ADAM18: variants seen among roughly 807,000 people sequenced by gnomAD.
ADAM18 encodes ADAM metallopeptidase domain 18.
ADAM18 carries 117 observed loss-of-function variants against 94.4 expected under a neutral mutation model. The ratio of observed to expected loss-of-function variants is 1.24; its 90% CI spans 1.07 to 1.45. The LOEUF (loss-of-function observed/expected upper bound fraction) is 1.45. Ranked by LOEUF, ADAM18 falls within the 40% of genes most tolerant of loss-of-function variation. ADAM18 has a pLI of 0.00. For missense variants in ADAM18, 936 were observed against 880.0 expected, an observed-to-expected ratio of 1.06 and a Z score of -0.81; for synonymous variants, 327 against 291.6, an observed-to-expected ratio of 1.12 and a Z score of -1.24.
At chr8:39,713,305 A>C (rs1043908935) in intron 18 of ADAM18, among the ~76,000 whole-genome samples, 1 of 152,238 alleles carries the variant, frequency 6.6e-6, no homozygotes, top group African/African-American at 2.4e-5. Context: ...TGGATTAAAT[A>C]CTTAAATGTT....
At chr8:39,667,924 T>C in intron 13 of ADAM18, 74 bp from the exon 14 acceptor site, 2 of 1,422,088 alleles carry the variant, frequency 1.4e-6, no homozygotes, top group South Asian at 1.2e-5. Flanking sequence ...ACATTTTATG[T>C]GATAAATCTT....
At chr8:39,620,159 T>C (rs1351039742) in intron 6 of ADAM18, among the ~76,000 whole-genome samples, 4 of 151,928 alleles carry the variant, frequency 2.6e-5, no homozygotes, top group African/African-American at 7.2e-5. Flanking sequence ...CTGGGAAAAC[T>C]GAATATTCAC....
intron 2 of ADAM18, among the ~76,000 whole-genome samples, chr8:39,601,101 C>T (rs764346491): frequency 1.1e-4 from 17 of 152,250 alleles, no homozygotes; most frequent in Non-Finnish European, 2.4e-4. Context: ...GGAGATGCTG[C>T]ACACTTTTAA....
intron 16 of ADAM18, among the ~76,000 whole-genome samples, chr8:39,691,944 G>A (rs1026575196): frequency 5.9e-5 from 9 of 151,764 alleles, no homozygotes; most frequent in Non-Finnish European, 8.8e-5. Flanking sequence ...TTCATGTTTA[G>A]TATTGTTATG....
chr8:39,680,157 T>TTCCA lies in ADAM18; in HGVS notation c.1755_1756insATCC (p.Ser586IlefsTer15). ...ATGTATGTGTATCTATAGCCACTGG[T>TTCCA]TCCTCCATGAGATCAGATGGAACAG... On this transcript the variant is annotated frameshift_variant, in exon 16 of 20. Transcript: ENST00000265707. LOFTEE classifies it high-confidence loss of function. 1.9e-6 allele frequency: 3 copies of TTCCA among 1,613,852 alleles called. No homozygotes were observed. Among genetic ancestry groups the TTCCA allele is most frequent in the Non-Finnish European group, 1.7e-6 (2 of 1,179,860 alleles).
At chr8:39,645,529 A>G in intron 11 of ADAM18, 55 bp downstream of exon 11, 2 of 1,515,582 alleles carry the variant, frequency 1.3e-6, no homozygotes, top group Non-Finnish European at 1.8e-6. Flanking sequence ...TGTTTCCAAA[A>G]TGTGATAATG....
At chr8:39,650,444 T>C (rs1318326719) in intron 12 of ADAM18, among the ~76,000 whole-genome samples, 1 of 152,154 alleles carries the variant, frequency 6.6e-6, no homozygotes, top group Non-Finnish European at 1.5e-5. Context: ...TTCAGTAAAG[T>C]TGCAGGATAC....
At chr8:39,615,534 C>G (rs191002930) in intron 6 of ADAM18, among the ~76,000 whole-genome samples, 68 of 152,078 alleles carry the variant, frequency 4.5e-4, no homozygotes, top group Non-Finnish European at 8.4e-4. Context: ...TGTAAAGAAC[C>G]CTTAACAAAC....
chr8:39,630,350 C>T lies in ADAM18; in HGVS notation c.588+911C>T, dbSNP rs567800500. Among the ~76,000 whole-genome samples, 30 of 151,078 alleles carry T rather than the reference C, an allele frequency of 2.0e-4. No homozygotes were observed. The South Asian group carries it at 2.9e-3, about 15-fold the overall frequency. ...GCAACCAAATAATTATGAGGCACTA[C>T]GTACATTATGTATGTGTGTATATAA... On this transcript the variant is annotated intron_variant, in intron 7 of 19. Transcript: ENST00000265707.
At chr8:39,663,598 CAAAAAAAAAAAAAA>C (rs10597769) in intron 12 of ADAM18, among the ~76,000 whole-genome samples, 183 bp from the exon 13 acceptor site, 1 of 19,592 alleles carries the variant, frequency 5.1e-5, no homozygotes, top group East Asian at 2.1e-3. Flanking sequence ...AATCCTGTCT[CAAAAAAAAAAAAAA>C]AAAAAAAAAA....
rs187753516 is a variant in ADAM18 at position 39,707,971 on chromosome 8, C to T, written c.2017+1067C>T. 3.9e-5 allele frequency among the ~76,000 whole-genome samples: 6 copies of T among 152,132 alleles called. No individual in the cohort carries two copies. The East Asian group carries it at 7.7e-4, about 20-fold the overall frequency. Reference sequence around the variant, plus strand: ...TGATTTGAACAAAGCACTGTAACGGCGTAACAGTCAACCTGATAACCAAGA... The same window carrying T: ...TGATTTGAACAAAGCACTGTAACGGTGTAACAGTCAACCTGATAACCAAGA... On this transcript the variant is annotated intron_variant, in intron 18 of 19. Transcript: ENST00000265707.
chr8:39,620,901 T>A (rs1038890364), intron 6 of ADAM18, among the ~76,000 whole-genome samples: 7 of 151,768 alleles, frequency 4.6e-5, no homozygotes, highest in African/African-American at 1.5e-4. Flanking sequence ...TGAGAGAATA[T>A]TTAATGGATA....
intron 10 of ADAM18, among the ~76,000 whole-genome samples, chr8:39,641,194 AG>A (rs1434509288): frequency 3.9e-5 from 6 of 152,086 alleles, no homozygotes; most frequent in African/African-American, 1.4e-4. Context: ...GGTGTAAGGA[AG>A]GGGTCCAGTT....
At chr8:39,639,135 TA>T (rs956494558) in intron 10 of ADAM18, among the ~76,000 whole-genome samples, 3 of 151,892 alleles carry the variant, frequency 2.0e-5, no homozygotes, top group African/African-American at 7.2e-5. Flanking sequence ...AGTATATAGA[TA>T]AAATTCCACA....
At chr8:39,715,629 T>A (rs965820533) in intron 18 of ADAM18, among the ~76,000 whole-genome samples, 2 of 152,082 alleles carry the variant, frequency 1.3e-5, no homozygotes, top group South Asian at 2.1e-4. Flanking sequence ...GCTGATCAAA[T>A]GAACATGTAA....
At chr8:39,718,834 A>C (rs1201529536) in intron 18 of ADAM18, among the ~76,000 whole-genome samples, 1 of 151,200 alleles carries the variant, frequency 6.6e-6, no homozygotes, top group Non-Finnish European at 1.5e-5. Flanking sequence ...TACTGAGATA[A>C]ATTAAAGAAG....
intron 6 of ADAM18, among the ~76,000 whole-genome samples, chr8:39,627,512 A>G (rs1262094957): frequency 5.3e-5 from 8 of 152,036 alleles, no homozygotes; most frequent in Non-Finnish European, 1.2e-4. Context: ...TTAAAAGTCT[A>G]TTTTATCTAA....
chr8:39,629,340 A>G, intron 6 of ADAM18, 34 bp from the exon 7 acceptor site: 1 of 1,490,084 alleles, frequency 6.7e-7, no homozygotes. Context: ...ATACATGTTA[A>G]CATTTTATAA....
At chr8:39,663,671 T>C (rs1820910637) in intron 12 of ADAM18, 124 bp from the exon 13 acceptor site, 1 of 514,506 alleles carries the variant, frequency 1.9e-6, no homozygotes, top group African/African-American at 2.1e-5. Context: ...TCATTGGAAT[T>C]ATACAATTAT....
Sources: allele counts gnomAD v4.1 joint callset (sites outside exome capture counted in the v4.1 genomes callset), GRCh38; gene constraint gnomAD v4.1.1; transcripts MANE v1.5; gene names NCBI Gene and HGNC (gene_info 2026-07-23, HGNC 2026-07-21).